The following SLC52A3 variants were observed in gnomAD, a reference collection of about 807,000 sequenced individuals.
The protein encoded by SLC52A3 is solute carrier family 52, riboflavin transporter, member 3.
SLC52A3 carries 20 observed loss-of-function variants against 29.5 expected under a neutral mutation model. The ratio of observed to expected loss-of-function variants is 0.68; its 90% CI spans 0.48 to 0.99. The LOEUF is 0.99. Among genes scored for constraint, SLC52A3 ranks in the 50% least tolerant of loss-of-function variants. The probability of loss-of-function intolerance (pLI) is 0.00; values close to 1 mark genes in which losing one functional copy is unlikely to be tolerated. For synonymous variants in SLC52A3, 301 were observed against 271.0 expected (o/e 1.11, Z -1.09); for missense variants, 548 against 612.9 (o/e 0.89, Z 1.12).
upstream of SLC52A3, among the ~76,000 whole-genome samples, chr20:769,894 C>T (rs866362381): frequency 4.6e-5 from 7 of 151,810 alleles, no homozygotes; most frequent in East Asian, 1.4e-3. Flanking sequence ...GAGACTCCAT[C>T]TTAAAAAAGA....
upstream of SLC52A3, among the ~76,000 whole-genome samples, chr20:778,487 C>T (rs767213939): frequency 8.5e-5 from 13 of 152,178 alleles, no homozygotes; most frequent in East Asian, 5.8e-4. Flanking sequence ...GGGATTTCCA[C>T]GCACAGATAT....
chr20:772,352 A>G (rs1469751431), upstream of SLC52A3, among the ~76,000 whole-genome samples: 1 of 152,106 alleles, frequency 6.6e-6, no homozygotes, highest in Non-Finnish European at 1.5e-5. Flanking sequence ...TCCCCACGTG[A>G]CCCATCTGCC....
intron 3 of SLC52A3, 141 bp downstream of exon 3, chr20:763,357 A>G: frequency 9.3e-7 from 1 of 1,075,876 alleles, no homozygotes; most frequent in Non-Finnish European, 1.4e-6. Flanking sequence ...GACAGGTGGC[A>G]GAGCTGGGAT....
chr20:761,135 G>T lies in SLC52A3; in HGVS notation c.1301C>A (p.Ala434Glu). ...GAGCAGCGAGCCCAGCTGCACCGCC[G>T]CCCCGCACCACAAGAGGGCGCTGCG... ...LSRSALLWCGAAVQLGSLLGA... is the reference protein window; with the variant it reads ...LSRSALLWCGEAVQLGSLLGA... The change falls in exon 5 of 5, where the codon GCG becomes GAG. Residue 434 changes from alanine to glutamate, a missense_variant. Around this residue, in one of 2 missense-constraint regions of SLC52A3, gnomAD observed 173 missense variants for 141.8 expected, o/e 1.22. Transcript: ENST00000645534. 1 of 1,592,980 alleles carries T rather than the reference G, an allele frequency of 6.3e-7. No homozygotes were observed. Among genetic ancestry groups the T allele is most frequent in the Non-Finnish European group, 8.5e-7 (1 of 1,171,046 alleles).
At chr20:772,119 A>G (rs565039427), upstream of SLC52A3, among the ~76,000 whole-genome samples, 1 of 152,332 alleles carries the variant, frequency 6.6e-6, no homozygotes, top group South Asian at 2.1e-4. Context: ...TAGCTTTCCC[A>G]CAGAGGGCTG....
intron 3 of SLC52A3, 142 bp downstream of exon 3, chr20:763,356 C>T (rs1283950403): frequency 3.7e-6 from 4 of 1,068,934 alleles, no homozygotes; most frequent in Non-Finnish European, 2.8e-6. Flanking sequence ...TGACAGGTGG[C>T]AGAGCTGGGA....
chr20:769,779 C>T (rs34031615), upstream of SLC52A3, among the ~76,000 whole-genome samples: 26,392 of 151,996 alleles, frequency 0.17, 2,420 homozygotes, highest in African/African-American at 0.23. Context: ...CACCTGTAAT[C>T]CCAGCTACTC....
chr20:777,495 G>A (rs1398705082), upstream of SLC52A3, among the ~76,000 whole-genome samples: 4 of 152,224 alleles, frequency 2.6e-5, no homozygotes, highest in African/African-American at 9.6e-5. Context: ...GCTACGGCCT[G>A]TAAGTGCAGG....
chr20:761,922 T>TA lies in SLC52A3; in HGVS notation c.1074-99dup. ...TGTGGATGGCCAGTGTCTCCATAGT[T>TA]AGTTTAGACCCATGTGGAAAATTCC... On this transcript the variant is annotated intron_variant, in intron 3 of 4. Coordinates refer to ENST00000645534, the MANE Select transcript of SLC52A3 (RefSeq NM_033409.4). 2.6e-6 allele frequency: 4 copies of TA among 1,564,424 alleles called. No homozygotes were observed. The Admixed American group carries it at 7.2e-5, about 28-fold the overall frequency.
rs745404583 is a variant in SLC52A3, at chr20:765,763, C to A, written c.12G>T (p.Leu4=). The change falls in exon 2 of 5, where the codon CTG becomes CTT. Residue 4 remains leucine, a synonymous_variant. Transcript: ENST00000645534. This position sits in a 1 kb window ranked among gnomAD's most constrained non-coding sequence, Gnocchi z 6.6. MAF[L]MHLLVCVFGM... ...CGAAGACGCAGACCAGCAGGTGCATCAGGAAGGCCATGGCGGTATCTGCCC... is the reference window on the plus strand; with the variant it reads ...CGAAGACGCAGACCAGCAGGTGCATAAGGAAGGCCATGGCGGTATCTGCCC... The A allele has an allele frequency of 6.2e-7, 1 of 1,601,678 alleles. No homozygotes were observed. The highest frequency in any genetic ancestry group is 8.5e-7 in the Non-Finnish European group (1 of 1,175,358).
chr20:764,053 GAAC>G (rs1986592140), intron 2 of SLC52A3, 50 bp from the exon 3 acceptor site: 2 of 1,481,634 alleles, frequency 1.3e-6, no homozygotes, highest in Non-Finnish European at 9.2e-7. Context: ...TCAGGCTGCA[GAAC>G]AACAATCATG....
intron 1 of SLC52A3, among the ~76,000 whole-genome samples, chr20:767,950 C>T (rs1391102391): frequency 1.3e-5 from 2 of 152,148 alleles, no homozygotes; most frequent in Non-Finnish European, 2.9e-5. Context: ...AGGAGTGAGG[C>T]TCTGGAGCCA....
At chr20:775,261 G>T (rs934123063) in intron 1 of SLC52A3, among the ~76,000 whole-genome samples, 1 of 145,398 alleles carries the variant, frequency 6.9e-6, no homozygotes, top group Non-Finnish European at 1.5e-5. Flanking sequence ...GTCAGTGGGG[G>T]CCCAGTCTTT....
rs74462543 is a variant in SLC52A3, at chr20:764,059, C to T, written c.568-56G>A. On this transcript the variant is annotated intron_variant, in intron 2 of 4. Transcript: ENST00000645534. ...GGGAGGGGATCAGGCTGCAGAACAA[C>T]AATCATGACAGTGATAACAGAATAC... 4.2e-3 allele frequency: 6,022 copies of T among 1,449,504 alleles called. 19 individuals are homozygous for T. The highest frequency in any genetic ancestry group is 0.02 in the Middle Eastern group (90 of 4,394). 89.8% of individuals were successfully genotyped at this position (1,449,504 alleles called of 1,614,324 possible).
At chr20:779,862 CAT>C (rs1163557757), upstream of SLC52A3, among the ~76,000 whole-genome samples, 1 of 152,186 alleles carries the variant, frequency 6.6e-6, no homozygotes, top group Admixed American at 6.5e-5. Context: ...AACAGTGTAA[CAT>C]GTATTGTTCC....
intron 4 of SLC52A3, 173 bp downstream of exon 4, chr20:761,528 G>T: frequency 1.0e-6 from 1 of 969,500 alleles, no homozygotes; most frequent in South Asian, 1.6e-5. Flanking sequence ...CAGTCACCTC[G>T]ATTCCCTAAG....
At chr20:778,203 C>G (rs1343806607), upstream of SLC52A3, among the ~76,000 whole-genome samples, 1 of 152,040 alleles carries the variant, frequency 6.6e-6, no homozygotes, top group Non-Finnish European at 1.5e-5. Flanking sequence ...GTAGTAGAGA[C>G]AAGGTTTCAC....
chr20:777,192 C>T (rs375086652), upstream of SLC52A3, among the ~76,000 whole-genome samples: 2 of 151,682 alleles, frequency 1.3e-5, no homozygotes, highest in African/African-American at 2.4e-5. Context: ...GCCGAGATCG[C>T]GCCGTTGCAC....
In SLC52A3 at chr20:760,599, G is replaced by A. The variant is rs1354270401; in HGVS notation, c.*427C>T. 3 of 189,198 alleles carry A rather than the reference G, an allele frequency of 1.6e-5. No homozygotes were observed. The highest frequency in any genetic ancestry group is 5.4e-5 in the Admixed American group (1 of 18,520). 11.7% of individuals were successfully genotyped at this position (189,198 alleles called of 1,614,324 possible). On this transcript the variant is annotated 3_prime_UTR_variant, in exon 5 of 5. Coordinates refer to ENST00000645534, the MANE Select transcript of SLC52A3 (RefSeq NM_033409.4). The surrounding 1 kb of genome is among the most constrained non-coding windows in gnomAD (Gnocchi z 4.9). Reference sequence around the variant, plus strand: ...CGGGCTGCTTTTTCCTTTTGCCTCCGTGCCATGCCTGTGAGGTAGTTGGTA... The same window carrying A: ...CGGGCTGCTTTTTCCTTTTGCCTCCATGCCATGCCTGTGAGGTAGTTGGTA...
Sources: gnomAD v4.1 joint callset for allele counts (sites outside exome capture counted in the v4.1 genomes callset) on GRCh38, gnomAD v4.1.1 for gene constraint, gnomAD v4.1.1 regional missense constraint, Gnocchi (gnomAD v3.1) non-coding constraint, MANE v1.5 for transcripts, NCBI Gene and HGNC (gene_info 2026-07-23, HGNC 2026-07-21) for gene names.